The following SNX29 variants were observed in gnomAD, a reference collection of about 807,000 sequenced individuals.
SNX29 encodes the protein sorting nexin-29.
SNX29 carries 78 observed loss-of-function variants against 102.1 expected under a neutral mutation model. That is an observed-to-expected ratio of 0.76 (90% CI 0.64 to 0.92). SNX29 has a LOEUF of 0.92. Ranked by LOEUF, SNX29 falls within the 40% of genes least tolerant of loss-of-function variation. The probability of loss-of-function intolerance (pLI) is 0.00; values close to 1 mark genes in which losing one functional copy is unlikely to be tolerated. For missense variants in SNX29, 1,280 were observed against 1,061.7 expected (o/e 1.21, Z -2.86); for synonymous variants, 580 against 414.5 (o/e 1.40, Z -4.85).
chr16:12,239,182 G>A (rs952233960), intron 14 of SNX29, among the ~76,000 whole-genome samples: 14 of 152,216 alleles, frequency 9.2e-5, no homozygotes, highest in Admixed American at 5.2e-4. Context: ...GGGGATGGAT[G>A]CCAGGCAATC....
At chr16:12,374,864 C>G (rs2082816822) in intron 16 of SNX29, 1 of 152,180 alleles carries the variant, frequency 6.6e-6, no homozygotes, top group African/African-American at 2.4e-5. Context: ...GATTTAATGA[C>G]ATTTGGCTTT....
At chr16:12,435,991 G>A (rs1479083535) in intron 18 of SNX29, among the ~76,000 whole-genome samples, 1 of 152,208 alleles carries the variant, frequency 6.6e-6, no homozygotes, top group African/African-American at 2.4e-5. Flanking sequence ...GGGCCTTGGG[G>A]TTGGATTTTG....
chr16:12,392,618 G>A (rs2083568540), intron 16 of SNX29, among the ~76,000 whole-genome samples: 1 of 152,210 alleles, frequency 6.6e-6, no homozygotes, highest in African/African-American at 2.4e-5. Context: ...CTGATTCACA[G>A]AAGTGTGATA....
chr16:11,977,632 TCCTCTCACCATCGAGGG>T (rs1378503566), intron 1 of SNX29: 2 of 152,520 alleles, frequency 1.3e-5, no homozygotes, highest in Non-Finnish European at 2.9e-5. Flanking sequence ...CCAAACTTCT[TCCTCTCACCATCGAGGG>T]GGTGGTGTTG....
intron 8 of SNX29, among the ~76,000 whole-genome samples, chr16:12,056,545 G>A (rs1199079782): frequency 1.3e-5 from 2 of 152,146 alleles, no homozygotes; most frequent in South Asian, 2.1e-4. Context: ...ATGTGTGAGG[G>A]GAATGCAGCC....
chr16:12,163,083 T>C (rs540031021), intron 13 of SNX29, among the ~76,000 whole-genome samples: 18 of 152,288 alleles, frequency 1.2e-4, no homozygotes, highest in African/African-American at 3.8e-4. Flanking sequence ...GGTTTCACCA[T>C]GTTGGCCAGG....
At chr16:11,997,324 G>T (rs1028939603) in intron 1 of SNX29, among the ~76,000 whole-genome samples, 2 of 152,102 alleles carry the variant, frequency 1.3e-5, no homozygotes, top group African/African-American at 4.8e-5. Context: ...TCTCTTCATA[G>T]AGGGCTCAGC....
intron 1 of SNX29, among the ~76,000 whole-genome samples, chr16:11,998,717 G>T (rs2056177622): frequency 6.6e-6 from 1 of 152,194 alleles, no homozygotes; most frequent in South Asian, 2.1e-4. Flanking sequence ...AACTTTGGGA[G>T]CCACTTCTGC....
chr16:12,444,402 G>A (rs566534677), intron 18 of SNX29, among the ~76,000 whole-genome samples: 158 of 152,370 alleles, frequency 1.0e-3, no homozygotes, highest in Middle Eastern at 3.4e-3. Context: ...TGCTGAGGGA[G>A]ATGCAGGTGG....
rs148569408 is a variant in SNX29, at chr16:12,569,874, G to C, written c.*1245G>C. ...ATGTCGTGAAATGGACTATGCAAGAGTAAGTTTGTGTGTTTCGCCTTAATC... is the reference window on the plus strand; with the variant it reads ...ATGTCGTGAAATGGACTATGCAAGACTAAGTTTGTGTGTTTCGCCTTAATC... On this transcript the variant is annotated 3_prime_UTR_variant, in exon 21 of 21. Transcript: ENST00000566228. 2.6e-5 allele frequency: 6 copies of C among 231,354 alleles called. No homozygotes were observed. Among genetic ancestry groups the C allele is most frequent in the Non-Finnish European group, 5.1e-5 (6 of 116,910 alleles). 14.3% of individuals were successfully genotyped at this position (231,354 alleles called of 1,614,324 possible). A position where few individuals can be genotyped will look rare whatever the true frequency, so the allele number is the denominator to read the frequency against.
intron 15 of SNX29, among the ~76,000 whole-genome samples, chr16:12,296,010 A>T (rs2079969258): frequency 6.6e-6 from 1 of 152,236 alleles, no homozygotes; most frequent in South Asian, 2.1e-4. Context: ...CTACTATGTA[A>T]TATGTAGAAA....
chr16:12,544,480 A>G (rs555424920), intron 20 of SNX29, among the ~76,000 whole-genome samples: 1 of 152,076 alleles, frequency 6.6e-6, no homozygotes, highest in South Asian at 2.1e-4. Context: ...CGATTTTATG[A>G]TTGGGGTCGG....
rs548326559 is a variant in SNX29 at position 12,570,184 on chromosome 16, C to T, written c.*1555C>T. ...CCCCCCCACCCCAGAGAAACCGAGT[C>T]AGCCTACATGACTTCCAAGGGGACC... is the stretch of plus-strand genomic sequence containing the variant. On this transcript the variant is annotated 3_prime_UTR_variant, in exon 21 of 21. Transcript: ENST00000566228. 9.4e-7 allele frequency: 1 copy of T among 1,065,380 alleles called. No individual in the cohort carries two copies. Among genetic ancestry groups the T allele is most frequent in the South Asian group, 4.5e-5 (1 of 22,024 alleles). The allele number at this position is 1,065,380 out of a possible 1,614,324, so 66.0% of individuals were successfully genotyped here.
intron 13 of SNX29, among the ~76,000 whole-genome samples, chr16:12,138,873 T>C (rs1217367437): frequency 6.6e-6 from 1 of 151,994 alleles, no homozygotes; most frequent in East Asian, 1.9e-4. Context: ...CAAGAGAGTT[T>C]GAGTGGGGCT....
At chr16:12,150,165 C>T (rs1262560093) in intron 13 of SNX29, among the ~76,000 whole-genome samples, 1 of 152,108 alleles carries the variant, frequency 6.6e-6, no homozygotes, top group Non-Finnish European at 1.5e-5. Flanking sequence ...GTTCGAGGGA[C>T]AGAGCCATAA....
chr16:12,401,916 C>G (rs567515609), intron 17 of SNX29, among the ~76,000 whole-genome samples: 22 of 152,274 alleles, frequency 1.4e-4, no homozygotes, highest in African/African-American at 4.6e-4. Context: ...AAGAGAGAAC[C>G]ATTTAACCCA....
At chr16:12,003,388 T>G (rs188118554) in intron 3 of SNX29, among the ~76,000 whole-genome samples, 1 of 152,360 alleles carries the variant, frequency 6.6e-6, no homozygotes, top group East Asian at 1.9e-4. Flanking sequence ...GGGAAATGGT[T>G]AATAAAATAT....
rs776448233 is a variant in SNX29 at position 12,477,707 on chromosome 16, C to G, written c.2038-12C>G. On this transcript the variant is annotated splice_polypyrimidine_tract_variant and intron_variant, in intron 18 of 20. Coordinates refer to ENST00000566228, the MANE Select transcript of SNX29 (RefSeq NM_032167.5). Reference sequence around the variant, plus strand: ...GGTTTAAGAGGAATTCACATTTTCTCTTTCTTGACAGGTCTACATCCGGAT... The same window carrying G: ...GGTTTAAGAGGAATTCACATTTTCTGTTTCTTGACAGGTCTACATCCGGAT... The G allele has an allele frequency of 8.8e-5, 141 of 1,606,670 alleles. No homozygotes were observed. Among genetic ancestry groups the G allele is most frequent in the Non-Finnish European group, 1.2e-4 (136 of 1,178,236 alleles).
At chr16:12,542,238 G>A (rs1366923669) in intron 20 of SNX29, among the ~76,000 whole-genome samples, 5 of 149,260 alleles carry the variant, frequency 3.3e-5, no homozygotes, top group African/African-American at 9.7e-5. Flanking sequence ...AGGACCTAGT[G>A]TTATTCCCTT....
Sources: gnomAD v4.1 joint callset for allele counts (sites outside exome capture counted in the v4.1 genomes callset) on GRCh38, gnomAD v4.1.1 for gene constraint, MANE v1.5 for transcripts, NCBI Gene and HGNC (gene_info 2026-07-23, HGNC 2026-07-21) for gene names.